Variants in PTBP3 observed in about 807,000 individuals in gnomAD.
The protein encoded by PTBP3 is polypyrimidine tract binding protein 3.
PTBP3 carries 20 observed loss-of-function variants against 58.7 expected under a neutral mutation model. That is an observed-to-expected ratio of 0.34 (90% CI 0.24 to 0.50). The LOEUF (loss-of-function observed/expected upper bound fraction) is 0.50. PTBP3 is among the 20% of genes least tolerant of loss of function. The pLI is 0.98. For missense variants in PTBP3, 509 were observed against 637.2 expected, an observed-to-expected ratio of 0.80 and a Z score of 2.17; for synonymous variants, 185 against 219.8, an observed-to-expected ratio of 0.84 and a Z score of 1.40.
the PTBP3 span, among the ~76,000 whole-genome samples, chr9:112,354,146 C>A: frequency 2.0e-5 from 3 of 152,200 alleles, no homozygotes; most frequent in East Asian, 5.8e-4. Context: ...CATATCTGTT[C>A]AACAAGGAGC....
At chr9:112,230,034 C>T (rs1044667285) in intron 10 of PTBP3, among the ~76,000 whole-genome samples, 3 of 152,014 alleles carry the variant, frequency 2.0e-5, no homozygotes, top group African/African-American at 7.3e-5. Context: ...GAATTTCTCT[C>T]GGGCGTTGAA....
At chr9:112,258,711 A>G (rs1836471752) in intron 5 of PTBP3, among the ~76,000 whole-genome samples, 1 of 152,116 alleles carries the variant, frequency 6.6e-6, no homozygotes, top group Non-Finnish European at 1.5e-5. Context: ...AAATCTTTCA[A>G]AATATATCCA....
At chr9:112,342,901 C>G in the PTBP3 span, among the ~76,000 whole-genome samples, 1 of 152,086 alleles carries the variant, frequency 6.6e-6, no homozygotes, top group Non-Finnish European at 1.5e-5. Flanking sequence ...CTATGTTGCC[C>G]AGACTGAACT....
chr9:112,228,565 T>A, intron 10 of PTBP3, 93 bp from the exon 11 acceptor site: 13 of 701,526 alleles, frequency 1.9e-5, no homozygotes, highest in South Asian at 2.5e-5. Context: ...CATTTCTTAC[T>A]CTCCCTTGGC....
At chr9:112,278,698 G>T (rs1303698059) in intron 2 of PTBP3, among the ~76,000 whole-genome samples, 4 of 152,160 alleles carry the variant, frequency 2.6e-5, no homozygotes, top group Non-Finnish European at 4.4e-5. Context: ...AAATACCTGG[G>T]CTATGTTAAG....
upstream of PTBP3, among the ~76,000 whole-genome samples, chr9:112,335,529 C>G (rs1461165455): frequency 6.6e-6 from 1 of 151,200 alleles, no homozygotes; most frequent in Non-Finnish European, 1.5e-5. Flanking sequence ...TGTGATCCAC[C>G]CACCTCAGCC....
intron 2 of PTBP3, among the ~76,000 whole-genome samples, chr9:112,284,158 G>A (rs769127187): frequency 3.3e-5 from 5 of 152,230 alleles, no homozygotes; most frequent in Non-Finnish European, 7.3e-5. Context: ...ACCTAGTGGA[G>A]CTGTGAGAAG....
intron 2 of PTBP3, among the ~76,000 whole-genome samples, chr9:112,290,640 C>T (rs1184586855): frequency 2.1e-5 from 3 of 145,692 alleles, no homozygotes; most frequent in Admixed American, 7.0e-5. Flanking sequence ...CCACTGCATT[C>T]CAGCCTGGGT....
intron 1 of PTBP3, among the ~76,000 whole-genome samples, chr9:112,318,297 A>G (rs1216328666): frequency 6.6e-6 from 1 of 152,230 alleles, no homozygotes; most frequent in Admixed American, 6.5e-5. Context: ...AAAAAAGGTA[A>G]TAAGTAAGTT....
chr9:112,313,575 A>G (rs1365698213), intron 1 of PTBP3, among the ~76,000 whole-genome samples: 1 of 152,200 alleles, frequency 6.6e-6, no homozygotes, highest in South Asian at 2.1e-4. Flanking sequence ...GACCGGAATC[A>G]TCTCAAGGCT....
At chr9:112,306,105 G>GT (rs1829192670) in intron 1 of PTBP3, among the ~76,000 whole-genome samples, 1 of 152,126 alleles carries the variant, frequency 6.6e-6, no homozygotes, top group African/African-American at 2.4e-5. Context: ...TAACATCACA[G>GT]TTGGCCTAAT....
chr9:112,266,211 G>A (rs1303851604), intron 4 of PTBP3, among the ~76,000 whole-genome samples: 2 of 152,116 alleles, frequency 1.3e-5, no homozygotes, highest in African/African-American at 4.8e-5. Flanking sequence ...CAATGTGAGT[G>A]TACTTAATGC....
intron 3 of PTBP3, 66 bp from the exon 4 acceptor site, chr9:112,268,261 G>A (rs947857056): frequency 2.6e-6 from 4 of 1,525,534 alleles, no homozygotes; most frequent in Non-Finnish European, 2.6e-6. Flanking sequence ...GATATATTTT[G>A]CCATTCTAGC....
chr9:112,367,741 A>G, the PTBP3 span, among the ~76,000 whole-genome samples: 561 of 152,056 alleles, frequency 3.7e-3, 4 homozygotes, highest in African/African-American at 0.013. Context: ...TTTGACTTTG[A>G]TGATTTGATT....
intron 5 of PTBP3, among the ~76,000 whole-genome samples, chr9:112,261,499 C>A (rs903690705): frequency 6.6e-6 from 1 of 152,170 alleles, no homozygotes; most frequent in African/African-American, 2.4e-5. Flanking sequence ...CAAGCACACA[C>A]ACACCTCTAT....
the PTBP3 span, among the ~76,000 whole-genome samples, chr9:112,353,266 C>T: frequency 2.0e-5 from 3 of 152,040 alleles, no homozygotes; most frequent in African/African-American, 7.3e-5. Context: ...TTCACCAGCC[C>T]GTAACATGAT....
At chr9:112,268,712 C>CAAAAAAA (rs56196327) in intron 3 of PTBP3, among the ~76,000 whole-genome samples, 1 of 94,064 alleles carries the variant, frequency 1.1e-5, no homozygotes. Flanking sequence ...GACACCGTCT[C>CAAAAAAA]AAAAAAAAAA....
chr9:112,231,960 A>AGG lies in PTBP3; in HGVS notation c.1020+138_1020+139insCC. The AGG allele has an allele frequency of 1.7e-5, 6 of 352,632 alleles. 1 individual carries two copies. The highest frequency in any genetic ancestry group is 7.0e-5 in the Admixed American group (1 of 14,314). The allele number at this position is 352,632 out of a possible 1,614,324, so 21.8% of individuals were successfully genotyped here. On this transcript the variant is annotated intron_variant, in intron 9 of 13. Coordinates refer to ENST00000374257, the MANE Select transcript of PTBP3 (RefSeq NM_001163788.4). Reference sequence around the variant, plus strand: ...AAGAGAAGAGAAGAGAAGAGAAGAGAAGAGAAGAGAGAAGAGAAGAGAAGA... The same window carrying AGG: ...AAGAGAAGAGAAGAGAAGAGAAGAGAGGAGAGAAGAGAGAAGAGAAGAGAAGA...
chr9:112,367,803 T>C, the PTBP3 span, among the ~76,000 whole-genome samples: 4 of 152,294 alleles, frequency 2.6e-5, no homozygotes, highest in East Asian at 7.7e-4. Context: ...TGGGATTCTT[T>C]GGGTTTCATG....
Sources: gnomAD v4.1 joint callset for allele counts (sites outside exome capture counted in the v4.1 genomes callset) on GRCh38, gnomAD v4.1.1 for gene constraint, MANE v1.5 for transcripts, NCBI Gene and HGNC (gene_info 2026-07-23, HGNC 2026-07-21) for gene names.